Variants in BCR observed in about 807,000 individuals in gnomAD.
The protein encoded by BCR is BCR activator of RhoGEF and GTPase, also known as breakpoint cluster region protein.
Under a neutral mutation model 138.6 loss-of-function variants are expected in BCR, and 58 were observed. That is an observed-to-expected ratio of 0.42 (90% CI 0.34 to 0.52). BCR has a LOEUF of 0.52. Among genes scored for constraint, BCR ranks in the 20% least tolerant of loss-of-function variants. BCR has a pLI of 0.06. For missense variants in BCR, 1,599 were observed against 1,727.2 expected (o/e 0.93, Z 1.32); for synonymous variants, 786 against 730.1 (o/e 1.08, Z -1.23).
At chr22:23,290,935 C>T (rs1308966656) in intron 14 of BCR, 1 of 161,830 alleles carries the variant, frequency 6.2e-6, no homozygotes, top group African/African-American at 2.4e-5. Context: ...AGGCCGGGCG[C>T]AGTGGCTCAT....
intron 1 of BCR, among the ~76,000 whole-genome samples, chr22:23,225,833 T>G (rs924324871): frequency 8.5e-5 from 13 of 152,222 alleles, no homozygotes; most frequent in Non-Finnish European, 1.8e-4. Flanking sequence ...GCCAGTTCAC[T>G]ATTCATTTCG....
At chr22:23,242,671 C>T in intron 1 of BCR, 1 of 250,558 alleles carries the variant, frequency 4.0e-6, no homozygotes, top group Non-Finnish European at 8.2e-6. Flanking sequence ...CTCCAAAGCC[C>T]TTCCAGCCCT....
In BCR at chr22:23,203,616, CT is replaced by C. The variant is rs1157122690; in HGVS notation, c.1279+21378del. Among the ~76,000 whole-genome samples the C allele has an allele frequency of 5.1e-4, 77 of 152,316 alleles. 1 individual carries two copies. The highest frequency in any genetic ancestry group is 2.2e-3 in the Admixed American group (34 of 15,292). ...CCTGAGCTGGGGTCACACTGGTCCA[CT>C]CTCTCATTCAGGAAGTTTCCTGAGG... On this transcript the variant is annotated intron_variant, in intron 1 of 22. Transcript: ENST00000305877.
At chr22:23,199,761 C>T (rs1479649111) in intron 1 of BCR, among the ~76,000 whole-genome samples, 1 of 152,152 alleles carries the variant, frequency 6.6e-6, no homozygotes, top group Non-Finnish European at 1.5e-5. Flanking sequence ...TAATTGGAGT[C>T]ATTCCCAAGG....
chr22:23,267,537 C>T (rs1028461222), intron 4 of BCR, among the ~76,000 whole-genome samples: 1 of 152,186 alleles, frequency 6.6e-6, no homozygotes, highest in Admixed American at 6.5e-5. Context: ...TGACACAAAA[C>T]AAACACCAGG....
intron 16 of BCR, among the ~76,000 whole-genome samples, chr22:23,301,921 C>T (rs2073906049): frequency 6.6e-6 from 1 of 152,206 alleles, no homozygotes; most frequent in African/African-American, 2.4e-5. Context: ...CCTCTTGCAC[C>T]TGCCCACACA....
chr22:23,299,452 C>T (rs1305908963), intron 16 of BCR, among the ~76,000 whole-genome samples: 3 of 152,172 alleles, frequency 2.0e-5, no homozygotes, highest in African/African-American at 4.8e-5. Flanking sequence ...CCTTGAAATA[C>T]AAATGAGGAT....
chr22:23,217,190 CTT>C (rs1033854410), intron 1 of BCR: 1 of 257,346 alleles, frequency 3.9e-6, no homozygotes. Flanking sequence ...TTGTGGATGA[CTT>C]TTTTAGATTT....
At chr22:23,219,076 G>A (rs926137900) in intron 1 of BCR, among the ~76,000 whole-genome samples, 4 of 152,220 alleles carry the variant, frequency 2.6e-5, no homozygotes, top group Admixed American at 6.5e-5. Flanking sequence ...ACAATGGATG[G>A]ATGGATGGAC....
At chr22:23,289,276 G>T (rs1228786296) in intron 12 of BCR, among the ~76,000 whole-genome samples, 1 of 152,230 alleles carries the variant, frequency 6.6e-6, no homozygotes, top group East Asian at 1.9e-4. Flanking sequence ...CGTGGGATGT[G>T]TGTGTTTGTA....
At chr22:23,248,880 T>C (rs2073188314) in intron 1 of BCR, among the ~76,000 whole-genome samples, 2 of 152,138 alleles carry the variant, frequency 1.3e-5, no homozygotes, top group African/African-American at 4.8e-5. Context: ...CCAGAGAGGT[T>C]TTTCCACTGG....
rs2072268701 is a variant in BCR, at chr22:23,181,806, C to T, written c.846C>T (p.Ile282=). The change falls in exon 1 of 23, where the codon ATC becomes ATT. Residue 282 remains isoleucine, a synonymous_variant. Coordinates refer to ENST00000305877, the MANE Select transcript of BCR (RefSeq NM_004327.4). ...TGGAGTACCAGCCCTACCAGAGCATCTACGTCGGGGGCATGATGGAAGGGG... is the reference window on the plus strand; with the variant it reads ...TGGAGTACCAGCCCTACCAGAGCATTTACGTCGGGGGCATGATGGAAGGGG... ...PPLEYQPYQS[I]YVGGMMEGEG... 2 of 1,610,232 alleles carry T rather than the reference C, an allele frequency of 1.2e-6. No homozygotes were observed. Among genetic ancestry groups the T allele is most frequent in the Non-Finnish European group, 1.7e-6 (2 of 1,179,956 alleles).
At chr22:23,212,374 C>T (rs2072695759) in intron 1 of BCR, among the ~76,000 whole-genome samples, 1 of 152,214 alleles carries the variant, frequency 6.6e-6, no homozygotes. Context: ...AAACTGCTGA[C>T]AGGTGCCCCT....
intron 4 of BCR, 83 bp from the exon 5 acceptor site, chr22:23,268,325 G>T: frequency 8.7e-7 from 1 of 1,149,852 alleles, no homozygotes; most frequent in Non-Finnish European, 1.2e-6. Flanking sequence ...AGTTTCTGCA[G>T]AGCTGTGCAC....
chr22:23,234,358 T>G (rs1019693231), intron 1 of BCR, among the ~76,000 whole-genome samples: 2 of 152,136 alleles, frequency 1.3e-5, no homozygotes, highest in Admixed American at 1.3e-4. Context: ...CCCCATGCGT[T>G]GAATAAGTGT....
intron 8 of BCR, among the ~76,000 whole-genome samples, chr22:23,282,634 G>T (rs1483345381): frequency 6.6e-6 from 1 of 152,194 alleles, no homozygotes; most frequent in Non-Finnish European, 1.5e-5. Context: ...GTGACAGCAG[G>T]GCAAGGTGCC....
intron 1 of BCR, among the ~76,000 whole-genome samples, chr22:23,236,590 G>T (rs1363070473): frequency 1.3e-5 from 2 of 152,226 alleles, no homozygotes; most frequent in African/African-American, 2.4e-5. Flanking sequence ...TTAATACAGG[G>T]AGGAGTCATG....
At chr22:23,256,898 A>G (rs768862674) in intron 2 of BCR, among the ~76,000 whole-genome samples, 1 of 152,042 alleles carries the variant, frequency 6.6e-6, no homozygotes, top group Non-Finnish European at 1.5e-5. Context: ...TTTAGCCTCA[A>G]GTTTTGTGTT....
At chr22:23,185,620 C>T (rs1013027140) in intron 1 of BCR, among the ~76,000 whole-genome samples, 1 of 150,686 alleles carries the variant, frequency 6.6e-6, no homozygotes, top group Non-Finnish European at 1.5e-5. Context: ...GAGCCGAGAT[C>T]GCTGGGCTGC....
Sources: allele counts gnomAD v4.1 joint callset (sites outside exome capture counted in the v4.1 genomes callset), GRCh38; gene constraint gnomAD v4.1.1; transcripts MANE v1.5; gene names NCBI Gene and HGNC (gene_info 2026-07-23, HGNC 2026-07-21).